PTPRT: variants seen among roughly 807,000 people sequenced by gnomAD.
PTPRT encodes the protein protein tyrosine phosphatase receptor type T.
Under a neutral mutation model 176.8 loss-of-function variants are expected in PTPRT, and 56 were observed. That is an observed-to-expected ratio of 0.32 (90% CI 0.26 to 0.40). The LOEUF is 0.40. Among genes scored for constraint, PTPRT ranks in the 10% least tolerant of loss-of-function variants. The pLI is 1.00. For missense variants in PTPRT, 1,540 were observed against 1,908.2 expected (o/e 0.81, Z 3.60); for synonymous variants, 783 against 739.0 (o/e 1.06, Z -0.96).
downstream of PTPRT, among the ~76,000 whole-genome samples, chr20:42,069,974 C>G (rs1292417806): frequency 2.0e-5 from 3 of 152,152 alleles, no homozygotes; most frequent in African/African-American, 7.2e-5. Flanking sequence ...TCAGTCCTGT[C>G]ATTAAATTTC....
At chr20:43,166,814 C>G (rs2014870913) in intron 1 of PTPRT, among the ~76,000 whole-genome samples, 1 of 152,142 alleles carries the variant, frequency 6.6e-6, no homozygotes, top group Non-Finnish European at 1.5e-5. Context: ...AAATTCAACA[C>G]CGGGGTTATA....
At chr20:43,163,719 G>A (rs74487021) in intron 1 of PTPRT, among the ~76,000 whole-genome samples, 20 of 152,056 alleles carry the variant, frequency 1.3e-4, no homozygotes, top group Non-Finnish European at 2.4e-4. Context: ...GGATAGTTCC[G>A]TGGCTCCTGC....
At chr20:42,985,388 G>A (rs926003205) in intron 1 of PTPRT, among the ~76,000 whole-genome samples, 18 of 152,018 alleles carry the variant, frequency 1.2e-4, no homozygotes, top group Non-Finnish European at 2.5e-4. Context: ...CCAGCTACTC[G>A]GGAGGCTGAG....
At chr20:42,961,225 A>T (rs898150849) in intron 1 of PTPRT, among the ~76,000 whole-genome samples, 1 of 152,234 alleles carries the variant, frequency 6.6e-6, no homozygotes, top group Non-Finnish European at 1.5e-5. Context: ...ACTGTGGAAT[A>T]CAGAAGCAGC....
intron 1 of PTPRT, among the ~76,000 whole-genome samples, chr20:43,153,853 T>C (rs931641797): frequency 2.6e-5 from 4 of 152,294 alleles, no homozygotes; most frequent in Middle Eastern, 3.4e-3. Context: ...GAATAAATTA[T>C]AGCAAGAACA....
intron 26 of PTPRT, among the ~76,000 whole-genome samples, chr20:42,101,281 G>A (rs181432372): frequency 1.1e-4 from 17 of 152,210 alleles, no homozygotes; most frequent in Non-Finnish European, 2.4e-4. Context: ...TGTGTGGGCT[G>A]TGCCACTAGC....
At chr20:42,693,669 C>T (rs1230877271) in intron 6 of PTPRT, among the ~76,000 whole-genome samples, 1 of 152,124 alleles carries the variant, frequency 6.6e-6, no homozygotes. Context: ...GAAAAAATAA[C>T]CTTCAACATT....
chr20:42,561,225 T>C (rs1395725572), intron 7 of PTPRT, among the ~76,000 whole-genome samples: 2 of 152,222 alleles, frequency 1.3e-5, no homozygotes, highest in Admixed American at 1.3e-4. Flanking sequence ...GAGGCTACCA[T>C]GAGAAGGTAC....
chr20:42,276,036 C>T (rs767630156), intron 13 of PTPRT, among the ~76,000 whole-genome samples: 11 of 152,100 alleles, frequency 7.2e-5, no homozygotes, highest in Non-Finnish European at 1.6e-4. Context: ...TAGAGTCTTT[C>T]CTCTCACAAG....
At chr20:42,624,032 A>C (rs2074249439) in intron 7 of PTPRT, among the ~76,000 whole-genome samples, 1 of 146,814 alleles carries the variant, frequency 6.8e-6, no homozygotes, top group South Asian at 2.2e-4. Flanking sequence ...AACAAAAAAA[A>C]AAAACCCTGC....
chr20:42,574,060 C>G (rs2073212804), intron 7 of PTPRT, among the ~76,000 whole-genome samples: 1 of 152,124 alleles, frequency 6.6e-6, no homozygotes, highest in South Asian at 2.1e-4. Flanking sequence ...TAGACTCTTT[C>G]TATGCTTCTG....
intron 12 of PTPRT, among the ~76,000 whole-genome samples, chr20:42,291,787 G>C (rs189269761): frequency 4.3e-4 from 66 of 152,222 alleles, no homozygotes; most frequent in Non-Finnish European, 7.8e-4. Flanking sequence ...GATGTAAAAC[G>C]AAGCTAGCGA....
At chr20:43,078,653 C>T (rs907527356) in intron 1 of PTPRT, among the ~76,000 whole-genome samples, 2 of 152,206 alleles carry the variant, frequency 1.3e-5, no homozygotes, top group Admixed American at 6.5e-5. Flanking sequence ...CTCAAACAAA[C>T]GCTTTCCACT....
intron 7 of PTPRT, among the ~76,000 whole-genome samples, chr20:42,498,562 G>T (rs2071694534): frequency 6.6e-6 from 1 of 152,052 alleles, no homozygotes; most frequent in Admixed American, 6.6e-5. Context: ...ATCTCTTGCG[G>T]GGGAAGTTAT....
At chr20:42,497,900 G>C (rs2071683599) in intron 7 of PTPRT, among the ~76,000 whole-genome samples, 1 of 152,054 alleles carries the variant, frequency 6.6e-6, no homozygotes, top group African/African-American at 2.4e-5. Context: ...TATTTACAAT[G>C]GTCCTTGTGC....
At chr20:42,320,004 C>T (rs894933915) in intron 11 of PTPRT, among the ~76,000 whole-genome samples, 1 of 152,164 alleles carries the variant, frequency 6.6e-6, no homozygotes, top group Non-Finnish European at 1.5e-5. Flanking sequence ...AGCATTTACT[C>T]ATACATTTTC....
chr20:43,033,752 G>T (rs1371583998), intron 1 of PTPRT, among the ~76,000 whole-genome samples: 1 of 152,180 alleles, frequency 6.6e-6, no homozygotes, highest in Non-Finnish European at 1.5e-5. Flanking sequence ...GAAGGTGGAG[G>T]CAGATGCTAA....
At chr20:42,177,589 A>G (rs1600636660) in intron 16 of PTPRT, among the ~76,000 whole-genome samples, 1 of 152,214 alleles carries the variant, frequency 6.6e-6, no homozygotes. Flanking sequence ...TTTGTTTTAT[A>G]TAGTAGATTC....
chr20:42,895,426 G>A (rs968908617), intron 1 of PTPRT, among the ~76,000 whole-genome samples: 1 of 152,200 alleles, frequency 6.6e-6, no homozygotes, highest in African/African-American at 2.4e-5. Context: ...CACATGGGGA[G>A]ACATCGCAAA....
Sources: gnomAD v4.1 joint callset for allele counts (sites outside exome capture counted in the v4.1 genomes callset) on GRCh38, gnomAD v4.1.1 for gene constraint, MANE v1.5 for transcripts, NCBI Gene and HGNC (gene_info 2026-07-23, HGNC 2026-07-21) for gene names.